The following IMMP2L variants were observed in gnomAD, a reference collection of about 807,000 sequenced individuals.
IMMP2L encodes the protein inner mitochondrial membrane peptidase subunit 2.
IMMP2L carries 18 observed loss-of-function variants against 19.3 expected under a neutral mutation model. The ratio of observed to expected loss-of-function variants is 0.93; its 90% CI spans 0.64 to 1.38. IMMP2L has a LOEUF of 1.38. Among genes scored for constraint, IMMP2L ranks in the 40% most tolerant of loss-of-function variants. IMMP2L has a pLI of 0.00. For missense variants in IMMP2L, 233 were observed against 218.2 expected (o/e 1.07, Z -0.43); for synonymous variants, 76 against 73.0 (o/e 1.04, Z -0.21).
At chr7:111,373,714 A>G (rs1830439634) in intron 3 of IMMP2L, among the ~76,000 whole-genome samples, 1 of 152,098 alleles carries the variant, frequency 6.6e-6, no homozygotes, top group Non-Finnish European at 1.5e-5. Flanking sequence ...CTAATATTAT[A>G]CAAAAATAGT....
chr7:111,328,199 T>G (rs191774342), intron 3 of IMMP2L, among the ~76,000 whole-genome samples: 35 of 151,956 alleles, frequency 2.3e-4, no homozygotes, highest in African/African-American at 7.2e-4. Flanking sequence ...AAAAGTTATT[T>G]TGAAAACTGT....
chr7:111,073,256 A>G (rs900156585), intron 3 of IMMP2L, among the ~76,000 whole-genome samples: 2 of 152,124 alleles, frequency 1.3e-5, no homozygotes, highest in African/African-American at 4.8e-5. Flanking sequence ...CCATATCGCT[A>G]TATGTGTGTG....
At chr7:111,289,291 G>A (rs536624638) in intron 3 of IMMP2L, among the ~76,000 whole-genome samples, 1 of 152,032 alleles carries the variant, frequency 6.6e-6, no homozygotes, top group East Asian at 1.9e-4. Flanking sequence ...CTAGGGAAGG[G>A]ACAGCATTAG....
intron 3 of IMMP2L, among the ~76,000 whole-genome samples, chr7:111,082,392 C>A (rs1223754252): frequency 2.0e-5 from 3 of 152,138 alleles, no homozygotes; most frequent in Admixed American, 1.3e-4. Context: ...AATAAACGCA[C>A]CTTCTGTCTC....
At position 111,059,350 on chromosome 7, in the gene IMMP2L, A is replaced by C. The variant is rs1244745683; in HGVS notation, c.240-95785T>G. 2.0e-5 allele frequency among the ~76,000 whole-genome samples: 3 copies of C among 152,174 alleles called. No homozygotes were observed. In the East Asian group the frequency reaches 5.8e-4, roughly 29 times the overall value. On this transcript the variant is annotated intron_variant, in intron 3 of 5. Transcript: ENST00000405709. The stretch of plus-strand genomic sequence containing the variant: ...CCATGTAAAATAGGACCATAAACTA[A>C]AATGAAATTAAGTGTATTGTTTAAA...
At chr7:111,448,382 C>T (rs539152608) in intron 3 of IMMP2L, among the ~76,000 whole-genome samples, 2,875 of 151,414 alleles carry the variant, frequency 0.019, 90 homozygotes, top group African/African-American at 0.066. Context: ...TGCAATCAAA[C>T]TAGAACTCAG....
chr7:110,865,007 T>G (rs574080091), intron 5 of IMMP2L, among the ~76,000 whole-genome samples: 46 of 152,208 alleles, frequency 3.0e-4, no homozygotes, highest in African/African-American at 1.1e-3. Context: ...CCCACTGTCA[T>G]GCTAGCTACC....
chr7:111,437,025 C>G (rs7806122), intron 3 of IMMP2L, among the ~76,000 whole-genome samples: 3,237 of 151,938 alleles, frequency 0.021, 203 homozygotes, highest in African/African-American at 0.074. Context: ...CATGACCCAA[C>G]CACCTCCCCT....
intron 3 of IMMP2L, among the ~76,000 whole-genome samples, chr7:111,270,644 T>C (rs925119676): frequency 1.3e-5 from 2 of 152,172 alleles, no homozygotes; most frequent in East Asian, 3.8e-4. Flanking sequence ...TCCTACCCTT[T>C]GGAAAGTAGT....
chr7:110,967,413 C>T (rs150443872), intron 3 of IMMP2L, among the ~76,000 whole-genome samples: 1 of 152,140 alleles, frequency 6.6e-6, no homozygotes, highest in East Asian at 1.9e-4. Context: ...CACCCTGATC[C>T]TGGTGTCACA....
At chr7:111,021,157 C>T (rs968826552) in intron 3 of IMMP2L, among the ~76,000 whole-genome samples, 1 of 152,138 alleles carries the variant, frequency 6.6e-6, no homozygotes, top group African/African-American at 2.4e-5. Flanking sequence ...ATTCCTTATA[C>T]CAGGAAACTC....
chr7:111,475,259 G>A (rs891252882), intron 3 of IMMP2L, among the ~76,000 whole-genome samples: 1 of 151,932 alleles, frequency 6.6e-6, no homozygotes, highest in African/African-American at 2.4e-5. Flanking sequence ...TTTTTTAAAA[G>A]GCATTCCTGT....
chr7:111,393,087 G>A (rs1330091720), intron 3 of IMMP2L, among the ~76,000 whole-genome samples: 1 of 151,946 alleles, frequency 6.6e-6, no homozygotes, highest in Non-Finnish European at 1.5e-5. Flanking sequence ...TGTCACATGA[G>A]ATTAAAAGTC....
chr7:110,680,711 C>G (rs1330382592), intron 5 of IMMP2L, among the ~76,000 whole-genome samples: 4 of 152,166 alleles, frequency 2.6e-5, no homozygotes, highest in African/African-American at 9.7e-5. Context: ...CTATTGCCTA[C>G]TCCTCCAGCA....
chr7:110,723,232 T>C (rs1169104758), intron 5 of IMMP2L, among the ~76,000 whole-genome samples: 1 of 152,160 alleles, frequency 6.6e-6, no homozygotes, highest in African/African-American at 2.4e-5. Context: ...TCTTCTCCAA[T>C]AGGGACAGAA....
At chr7:111,081,525 G>A (rs1392629926) in intron 3 of IMMP2L, among the ~76,000 whole-genome samples, 2 of 152,200 alleles carry the variant, frequency 1.3e-5, no homozygotes, top group African/African-American at 2.4e-5. Flanking sequence ...CCTTAGTGCA[G>A]TGCTAAAGCT....
chr7:111,091,503 A>C (rs1213672553), intron 3 of IMMP2L: 1 of 152,234 alleles, frequency 6.6e-6, no homozygotes, highest in Non-Finnish European at 1.5e-5. Flanking sequence ...CTGCTTTTCA[A>C]GGTAAGTTTA....
At chr7:111,000,564 T>C (rs1480538957) in intron 3 of IMMP2L, among the ~76,000 whole-genome samples, 1 of 152,098 alleles carries the variant, frequency 6.6e-6, no homozygotes, top group Non-Finnish European at 1.5e-5. Flanking sequence ...GATGGATGGA[T>C]GGGGCGCAGT....
At chr7:110,854,261 A>G (rs1585037580) in intron 5 of IMMP2L, among the ~76,000 whole-genome samples, 1 of 151,954 alleles carries the variant, frequency 6.6e-6, no homozygotes, top group South Asian at 2.1e-4. Context: ...CTTGTTTTAT[A>G]TATCAGTGGA....
Sources: gnomAD v4.1 joint callset for allele counts (sites outside exome capture counted in the v4.1 genomes callset) on GRCh38, gnomAD v4.1.1 for gene constraint, MANE v1.5 for transcripts, NCBI Gene and HGNC (gene_info 2026-07-23, HGNC 2026-07-21) for gene names.